MB21D2: variants seen among roughly 807,000 people sequenced by gnomAD.
The protein encoded by MB21D2 is Mab-21 domain containing 2.
MB21D2 carries 9 observed loss-of-function variants against 33.3 expected under a neutral mutation model. That is an observed-to-expected ratio of 0.27 (90% confidence interval 0.16 to 0.47). The LOEUF is 0.47. Among genes scored for constraint, MB21D2 ranks in the 20% least tolerant of loss-of-function variants. The pLI, the probability that MB21D2 is intolerant of heterozygous loss-of-function variation, is 0.99. For synonymous variants in MB21D2, 241 were observed against 236.3 expected, an observed-to-expected ratio of 1.02 and a Z score of -0.18; for missense variants, 540 against 624.6, an observed-to-expected ratio of 0.86 and a Z score of 1.44.
chr3:192,839,038 CT>C (rs1712512693), intron 1 of MB21D2, among the ~76,000 whole-genome samples: 1 of 152,268 alleles, frequency 6.6e-6, no homozygotes, highest in African/African-American at 2.4e-5. Flanking sequence ...AAGTTACGAC[CT>C]TTTTCTTTTA....
intron 1 of MB21D2, among the ~76,000 whole-genome samples, chr3:192,831,894 A>G (rs975470114): frequency 1.3e-5 from 2 of 152,218 alleles, no homozygotes; most frequent in Non-Finnish European, 2.9e-5. Flanking sequence ...AGGGGAAATG[A>G]CATTACAGTT....
At chr3:192,887,098 T>C (rs1231229059) in intron 1 of MB21D2, among the ~76,000 whole-genome samples, 3 of 152,146 alleles carry the variant, frequency 2.0e-5, no homozygotes, top group African/African-American at 7.3e-5. Flanking sequence ...TTCGGTTTCT[T>C]TGTCCACTCT....
rs549407594 is a variant in MB21D2, at chr3:192,910,564, T to C, written c.211+7066A>G. On this transcript the variant is annotated intron_variant, in intron 1 of 1. Transcript: ENST00000392452. ...ATAAAAAGAGATGAATGAAAGAAGCTAGGAAAACATCATTCTACAAGTTTC... is the reference window on the plus strand; with the variant it reads ...ATAAAAAGAGATGAATGAAAGAAGCCAGGAAAACATCATTCTACAAGTTTC... Among the ~76,000 whole-genome samples the C allele has an allele frequency of 7.2e-5, 11 of 152,288 alleles. No homozygotes were observed. In the South Asian group the frequency reaches 2.3e-3, roughly 32 times the overall value.
chr3:192,799,733 G>T lies in MB21D2; in HGVS notation c.212-83C>A. 7.0e-7 allele frequency: 1 copy of T among 1,422,922 alleles called. No individual in the cohort carries two copies. Among genetic ancestry groups the T allele is most frequent in the Non-Finnish European group, 9.3e-7 (1 of 1,073,294 alleles). The allele number at this position is 1,422,922 out of a possible 1,614,324, so 88.1% of individuals were successfully genotyped here. On this transcript the variant is annotated intron_variant, in intron 1 of 1. Transcript: ENST00000392452. The surrounding 1 kb of genome is among the most constrained non-coding windows in gnomAD (Gnocchi z 4.1). ...TATGCATGAAACAGAATGCTCTGAT[G>T]TTCCAAGAACCAAAACTCATTATCA...
chr3:192,828,926 G>T (rs1276707786), intron 1 of MB21D2, among the ~76,000 whole-genome samples: 3 of 151,516 alleles, frequency 2.0e-5, no homozygotes, highest in Admixed American at 2.0e-4. Context: ...TGGGATTACA[G>T]GCATAAGCCA....
intron 1 of MB21D2, among the ~76,000 whole-genome samples, chr3:192,869,011 T>A (rs1227000392): frequency 6.6e-6 from 1 of 151,996 alleles, no homozygotes; most frequent in Admixed American, 6.6e-5. Context: ...CATTTAGTAA[T>A]GAAATAAGAG....
intron 1 of MB21D2, among the ~76,000 whole-genome samples, chr3:192,903,376 T>A (rs565336425): frequency 6.6e-6 from 1 of 152,248 alleles, no homozygotes; most frequent in Non-Finnish European, 1.5e-5. Flanking sequence ...TCAAGCCACC[T>A]AATTTTCGAG....
chr3:192,866,561 T>C (rs1211445349), intron 1 of MB21D2, among the ~76,000 whole-genome samples: 3 of 152,190 alleles, frequency 2.0e-5, no homozygotes, highest in Non-Finnish European at 4.4e-5. Context: ...TCAGCATGCA[T>C]ACGTGCACGT....
chr3:192,843,553 G>A (rs572777602), intron 1 of MB21D2, among the ~76,000 whole-genome samples: 1 of 152,220 alleles, frequency 6.6e-6, no homozygotes, highest in Admixed American at 6.5e-5. Flanking sequence ...AGTTGGACAT[G>A]ATAAATTCAC....
chr3:192,827,424 A>G (rs1205817535), intron 1 of MB21D2, among the ~76,000 whole-genome samples: 2 of 152,118 alleles, frequency 1.3e-5, no homozygotes, highest in East Asian at 3.8e-4. Flanking sequence ...GGGAACAATG[A>G]TTGTGAGGGT....
chr3:192,877,404 G>T (rs1485686788), intron 1 of MB21D2, among the ~76,000 whole-genome samples: 4 of 152,176 alleles, frequency 2.6e-5, no homozygotes, highest in African/African-American at 7.2e-5. Context: ...CATTTTGAGT[G>T]TTCAGAACCA....
chr3:192,824,608 C>T (rs190752574), intron 1 of MB21D2, among the ~76,000 whole-genome samples: 2 of 152,162 alleles, frequency 1.3e-5, no homozygotes, highest in East Asian at 1.9e-4. Flanking sequence ...CTAAAAATTT[C>T]GTTAAAATAG....
chr3:192,880,207 C>T (rs1186027322), intron 1 of MB21D2, among the ~76,000 whole-genome samples: 1 of 150,942 alleles, frequency 6.6e-6, no homozygotes, highest in Non-Finnish European at 1.5e-5. Context: ...ATTAGCCAGG[C>T]GTGGTGGTGG....
chr3:192,874,340 G>C (rs555307686), intron 1 of MB21D2, among the ~76,000 whole-genome samples: 5 of 152,304 alleles, frequency 3.3e-5, no homozygotes, highest in Middle Eastern at 6.8e-3. Flanking sequence ...ACCATAGCTA[G>C]AATCAAGGTC....
At chr3:192,858,183 T>A (rs530485511) in intron 1 of MB21D2, among the ~76,000 whole-genome samples, 56 of 151,986 alleles carry the variant, frequency 3.7e-4, no homozygotes, top group Non-Finnish European at 7.2e-4. Flanking sequence ...GTAAATTCAC[T>A]GAAAAGTTAA....
At chr3:192,805,615 C>T (rs532839939) in intron 1 of MB21D2, among the ~76,000 whole-genome samples, 2 of 152,176 alleles carry the variant, frequency 1.3e-5, no homozygotes, top group Admixed American at 1.3e-4. Context: ...GATATGTACG[C>T]AAGAACACTG....
intron 1 of MB21D2, among the ~76,000 whole-genome samples, chr3:192,859,461 C>T (rs1397819769): frequency 1.3e-5 from 2 of 152,102 alleles, no homozygotes; most frequent in African/African-American, 4.8e-5. Flanking sequence ...ACTCAGATTT[C>T]ACCTTTCCAG....
At chr3:192,840,408 C>CTTCTT (rs1712541303) in intron 1 of MB21D2, among the ~76,000 whole-genome samples, 2 of 108,424 alleles carry the variant, frequency 1.8e-5, no homozygotes, top group Non-Finnish European at 3.8e-5. Context: ...ACTTTTTTCT[C>CTTCTT]TTTTTTCTTT....
intron 1 of MB21D2, among the ~76,000 whole-genome samples, chr3:192,865,826 G>T (rs1713155650): frequency 6.6e-6 from 1 of 152,100 alleles, no homozygotes; most frequent in South Asian, 2.1e-4. Context: ...CAGGAGGATT[G>T]CTGGAGCCCA....
Sources: gnomAD v4.1 joint callset for allele counts (sites outside exome capture counted in the v4.1 genomes callset) on GRCh38, gnomAD v4.1.1 for gene constraint, Gnocchi (gnomAD v3.1) non-coding constraint, MANE v1.5 for transcripts, NCBI Gene and HGNC (gene_info 2026-07-23, HGNC 2026-07-21) for gene names.